The following NFAM1 variants were observed in gnomAD, a reference collection of about 807,000 sequenced individuals.
NFAM1 encodes NFAT activation molecule 1.
In NFAM1, 17 loss-of-function variants were observed where a neutral mutation model predicts 29.0. The ratio of observed to expected loss-of-function variants is 0.59; its 90% CI spans 0.40 to 0.88. NFAM1 has a LOEUF of 0.88. Among genes scored for constraint, NFAM1 ranks in the 40% least tolerant of loss-of-function variants. The pLI is 0.00. For synonymous variants in NFAM1, 175 were observed against 147.2 expected, an observed-to-expected ratio of 1.19 and a Z score of -1.36; for missense variants, 324 against 344.6, an observed-to-expected ratio of 0.94 and a Z score of 0.47.
intron 4 of NFAM1, among the ~76,000 whole-genome samples, chr22:42,396,184 T>C (rs1426073903): frequency 2.0e-5 from 3 of 152,142 alleles, no homozygotes; most frequent in Non-Finnish European, 4.4e-5. Flanking sequence ...TTAGGTCTGT[T>C]CACCTCACTC....
At chr22:42,411,019 C>CTTTTTTTTTTTTTTT (rs138369373) in intron 2 of NFAM1, among the ~76,000 whole-genome samples, 1 of 121,774 alleles carries the variant, frequency 8.2e-6, no homozygotes. Flanking sequence ...CTTTTCTTTT[C>CTTTTTTTTTTTTTTT]TTTTTTTTTT....
At position 42,419,989 on chromosome 22, in the gene NFAM1, G is replaced by GTTTTTTTTTTTTTTTTTTTTTTTTTTTTT. The variant is rs1491236869; in HGVS notation, c.122-8254_122-8253insAAAAAAAAAAAAAAAAAAAAAAAAAAAAA. Among the ~76,000 whole-genome samples, 6 of 56,548 alleles carry GTTTTTTTTTTTTTTTTTTTTTTTTTTTTT rather than the reference G, an allele frequency of 1.1e-4. 3 individuals carry two copies. Among genetic ancestry groups the GTTTTTTTTTTTTTTTTTTTTTTTTTTTTT allele is most frequent in the Non-Finnish European group, 6.7e-5 (2 of 29,698 alleles). 37.1% of individuals were successfully genotyped at this position (56,548 alleles called of 152,430 possible). ...CCTTTGAGTCTGTAATCCCACTCTT[G>GTTTTTTTTTTTTTTTTTTTTTTTTTTTTT]GTTTTTTTTTTTTTTTTTTTTTTTT... On this transcript the variant is annotated intron_variant, in intron 1 of 5. Coordinates refer to ENST00000329021, the MANE Select transcript of NFAM1 (RefSeq NM_145912.8). This position sits in a 1 kb window ranked among gnomAD's most constrained non-coding sequence, Gnocchi z 4.5.
intron 4 of NFAM1, among the ~76,000 whole-genome samples, chr22:42,392,137 G>C (rs1210913661): frequency 6.6e-6 from 1 of 152,036 alleles, no homozygotes; most frequent in Non-Finnish European, 1.5e-5. Context: ...GAATGAAGAA[G>C]AAAAAGGGTC....
intron 3 of NFAM1, among the ~76,000 whole-genome samples, chr22:42,406,071 C>T (rs925225780): frequency 8.5e-6 from 1 of 118,076 alleles, no homozygotes; most frequent in Non-Finnish European, 1.9e-5. Flanking sequence ...CTGCCACTTG[C>T]TCTGGCTCAG....
chr22:42,386,243 G>A (rs898239271), intron 5 of NFAM1, among the ~76,000 whole-genome samples: 2 of 151,848 alleles, frequency 1.3e-5, no homozygotes, highest in Non-Finnish European at 1.5e-5. Flanking sequence ...GCACAGGGGC[G>A]GGCGCCTGTA....
chr22:42,402,699 AC>A (rs1015712687), intron 3 of NFAM1, among the ~76,000 whole-genome samples: 1 of 151,764 alleles, frequency 6.6e-6, no homozygotes, highest in African/African-American at 2.4e-5. Context: ...CACCACTTTG[AC>A]CCCTCAAGTC....
At position 42,432,320 on chromosome 22, in the gene NFAM1, C is replaced by T; in HGVS notation, c.38G>A (p.Gly13Asp). 2 of 1,576,386 alleles carry T rather than the reference C, an allele frequency of 1.3e-6. No homozygotes were observed. Among genetic ancestry groups the T allele is most frequent in the Non-Finnish European group, 1.7e-6 (2 of 1,161,062 alleles). The change falls in exon 1 of 6, where the codon GGC (glycine) becomes GAC (aspartate). Residue 13 changes from glycine to aspartate, a missense_variant. By Grantham distance (94) the Gly-to-Asp change is moderately conservative. Transcript: ENST00000329021. ...NQPVRWRALPGLPRPPGLPAA... is the reference protein window; with the variant it reads ...NQPVRWRALPDLPRPPGLPAA... ...GGGGAGCCCAGGAGGGCGTGGGAGG[C>T]CTGGCAGGGCCCGCCACCTCACAGG...
At chr22:42,422,381 G>A (rs923430761) in intron 1 of NFAM1, among the ~76,000 whole-genome samples, 3 of 152,052 alleles carry the variant, frequency 2.0e-5, no homozygotes, top group Non-Finnish European at 4.4e-5. Flanking sequence ...TGAGGCGGGC[G>A]GATCATCTGA....
At chr22:42,387,458 A>G (rs1359661751) in intron 4 of NFAM1, among the ~76,000 whole-genome samples, 1 of 151,732 alleles carries the variant, frequency 6.6e-6, no homozygotes, top group Non-Finnish European at 1.5e-5. Context: ...CCTGCATGAT[A>G]CCTGTGGCCA....
rs1266435307 is a variant in NFAM1, at chr22:42,409,786, T to C, written c.452-239A>G. Among the ~76,000 whole-genome samples the C allele has an allele frequency of 6.6e-6, 1 of 152,198 alleles. No homozygotes were observed. The highest frequency in any genetic ancestry group is 2.4e-5 in the African/African-American group (1 of 41,442). On this transcript the variant is annotated intron_variant, in intron 2 of 5. Transcript: ENST00000329021. The surrounding 1 kb of genome is among the most constrained non-coding windows in gnomAD (Gnocchi z 4.9). The stretch of plus-strand genomic sequence containing the variant: ...GGGCCATTTGCTCTTCCGGTGCCCC[T>C]GCCCCCGTGACCTGGCTCCCCTGTG...
At chr22:42,436,765 A>AACTGGAGT (rs1307627056), upstream of NFAM1, among the ~76,000 whole-genome samples, 1 of 152,252 alleles carries the variant, frequency 6.6e-6, no homozygotes, top group Non-Finnish European at 1.5e-5. Context: ...CAGATGAGGA[A>AACTGGAGT]ACTGGAGTTC....
chr22:42,391,592 C>T (rs186580187), intron 4 of NFAM1, among the ~76,000 whole-genome samples: 3 of 152,034 alleles, frequency 2.0e-5, no homozygotes, highest in African/African-American at 4.8e-5. Flanking sequence ...GCCTGAGCAA[C>T]GGGAAGGATG....
intron 3 of NFAM1, among the ~76,000 whole-genome samples, chr22:42,403,880 A>C (rs1194973390): frequency 2.0e-5 from 3 of 152,184 alleles, no homozygotes; most frequent in African/African-American, 4.8e-5. Flanking sequence ...GGCCTCTCTG[A>C]GCTGGGTACA....
Position 42,429,199 on chromosome 22 carries a change from G to A in NFAM1, c.121+3038C>T, listed in dbSNP as rs574130937. Among the ~76,000 whole-genome samples, 4 of 152,282 alleles carry A rather than the reference G, an allele frequency of 2.6e-5. No individual in the cohort carries two copies. The South Asian group carries it at 8.3e-4, about 32-fold the overall frequency. On this transcript the variant is annotated intron_variant, in intron 1 of 5. Transcript: ENST00000329021. ...CTCACTGAGGACTAATGACATACTG[G>A]GCACTCAGTCCTCAGGATGTGTTTA...
chr22:42,385,166 G>C lies in NFAM1; in HGVS notation c.808C>G (p.Leu270Val). 1 of 1,612,724 alleles carries C rather than the reference G, an allele frequency of 6.2e-7. No individual in the cohort carries two copies. Among genetic ancestry groups the C allele is most frequent in the Non-Finnish European group, 8.5e-7 (1 of 1,178,740 alleles). Reference sequence around the variant, plus strand: ...TATGAGCGGTGGAGCCCATCCTAGAGATTTTCATAGACCAGGTTAAGTTCG... The same window carrying C: ...TATGAGCGGTGGAGCCCATCCTAGACATTTTCATAGACCAGGTTAAGTTCG... ...DGELNLVYEN[L>V] is the part of the protein sequence containing the mutation. The change falls in exon 6 of 6, where the codon CTC becomes GTC. Residue 270 changes from leucine (L) to valine (V), a missense_variant. Physicochemically the swap from Leu to Val is conservative, Grantham distance 32. Transcript: ENST00000329021.
At position 42,411,434 on chromosome 22, in the gene NFAM1, C is replaced by G. The variant is rs151067441; in HGVS notation, c.424G>C (p.Gly142Arg). ...CTGACCAGGATGAAGGTGCCGCTGC[C>G]TCTCACCGTGGAGTGTGGCCAGTGG... ...SVHWPHSTVR[G>R]SGTFILVRDA... The change falls in exon 2 of 6, where the codon GGC (glycine) becomes CGC (arginine). Residue 142 changes from glycine to arginine, a missense_variant. By Grantham distance (125) the Gly-to-Arg change is moderately radical. Coordinates refer to ENST00000329021, the MANE Select transcript of NFAM1 (RefSeq NM_145912.8). 4.3e-6 allele frequency: 7 copies of G among 1,613,874 alleles called. No individual in the cohort carries two copies. The African/African-American group carries it at 9.3e-5, about 22-fold the overall frequency.
At chr22:42,434,967 T>C (rs1443165437), upstream of NFAM1, among the ~76,000 whole-genome samples, 4 of 152,220 alleles carry the variant, frequency 2.6e-5, no homozygotes, top group Non-Finnish European at 5.9e-5. Context: ...ACGGAGGCTG[T>C]AGAAGTGAAA....
chr22:42,396,845 C>A (rs532307803), intron 4 of NFAM1, among the ~76,000 whole-genome samples: 111 of 152,272 alleles, frequency 7.3e-4, no homozygotes, highest in African/African-American at 2.6e-3. Context: ...TGTTCTGTGG[C>A]GTTATTAGGG....
chr22:42,427,945 T>C (rs1389638513), intron 1 of NFAM1, among the ~76,000 whole-genome samples: 1 of 152,224 alleles, frequency 6.6e-6, no homozygotes, highest in African/African-American at 2.4e-5. Flanking sequence ...TCTGAGGCAC[T>C]GGGATGTTCT....
Sources: gnomAD v4.1 joint callset for allele counts (sites outside exome capture counted in the v4.1 genomes callset) on GRCh38, gnomAD v4.1.1 for gene constraint, Gnocchi (gnomAD v3.1) non-coding constraint, MANE v1.5 for transcripts, NCBI Gene and HGNC (gene_info 2026-07-23, HGNC 2026-07-21) for gene names.